The following PPARGC1B variants were observed in gnomAD, a reference collection of about 807,000 sequenced individuals.
PPARGC1B encodes the protein peroxisome proliferator-activated receptor gamma coactivator 1-beta.
A neutral mutation model predicts 101.6 loss-of-function variants in PPARGC1B; 34 were observed. The observed-to-expected ratio is 0.33, with a 90% CI of 0.25 to 0.45. The LOEUF (loss-of-function observed/expected upper bound fraction) is 0.45. PPARGC1B is among the 20% of genes least tolerant of loss of function. The pLI is 1.00. For missense variants in PPARGC1B, 1,234 were observed against 1,317.6 expected (o/e 0.94, Z 0.98); for synonymous variants, 548 against 539.3 (o/e 1.02, Z -0.22).
At chr5:149,735,908 G>A (rs998947619) in intron 1 of PPARGC1B, among the ~76,000 whole-genome samples, 4 of 152,174 alleles carry the variant, frequency 2.6e-5, no homozygotes, top group African/African-American at 4.8e-5. Context: ...GGCAGATCAC[G>A]AGGCCAGGAG....
At chr5:149,796,158 C>T (rs1757207171) in intron 1 of PPARGC1B, among the ~76,000 whole-genome samples, 1 of 151,980 alleles carries the variant, frequency 6.6e-6, no homozygotes. Flanking sequence ...CACAGCCATG[C>T]GATGGAGAGT....
chr5:149,803,684 G>T (rs576076582), intron 1 of PPARGC1B, among the ~76,000 whole-genome samples: 2 of 152,272 alleles, frequency 1.3e-5, no homozygotes, highest in South Asian at 4.1e-4. Flanking sequence ...ACAGTAAGGA[G>T]GCCCAGGGGT....
At chr5:149,827,821 G>A (rs1758590059) in intron 3 of PPARGC1B, among the ~76,000 whole-genome samples, 2 of 152,226 alleles carry the variant, frequency 1.3e-5, no homozygotes. Flanking sequence ...AGAAGTTACT[G>A]GAAGCAGTCG....
At chr5:149,771,452 CCTGA>C (rs1581034588) in intron 1 of PPARGC1B, among the ~76,000 whole-genome samples, 1 of 152,176 alleles carries the variant, frequency 6.6e-6, no homozygotes, top group Non-Finnish European at 1.5e-5. Flanking sequence ...GAGTGATGCC[CCTGA>C]AGGGCCAAGC....
chr5:149,826,598 TG>T, intron 2 of PPARGC1B, 74 bp from the exon 3 acceptor site: 2 of 1,183,970 alleles, frequency 1.7e-6, no homozygotes, highest in Non-Finnish European at 2.5e-6. Context: ...GTGTCCACCG[TG>T]GAGACTGAGT....
At chr5:149,845,711 G>T (rs868357573) in intron 10 of PPARGC1B, 49 bp from the exon 11 acceptor site, 4 of 1,547,254 alleles carry the variant, frequency 2.6e-6, no homozygotes, top group Middle Eastern at 2.2e-4. Flanking sequence ...GTCTCACAGT[G>T]TCCACCCAGC....
chr5:149,745,595 AAT>A lies in PPARGC1B; in HGVS notation c.78+15176_78+15177del, dbSNP rs141800315. On this transcript the variant is annotated intron_variant, in intron 1 of 11. Coordinates refer to ENST00000309241, the MANE Select transcript of PPARGC1B (RefSeq NM_133263.4). ...GGGGTACAGGCTAGCATTTAGGATG[AAT>A]GACCAGGGAACAGATCGAAAGCCTC... Among the ~76,000 whole-genome samples the A allele has an allele frequency of 2.5e-3, 376 of 152,252 alleles. 2 individuals carry two copies. The highest frequency in any genetic ancestry group is 8.2e-3 in the African/African-American group (341 of 41,560).
intron 1 of PPARGC1B, among the ~76,000 whole-genome samples, chr5:149,779,706 A>T (rs1431970154): frequency 1.3e-5 from 2 of 152,190 alleles, no homozygotes; most frequent in Non-Finnish European, 2.9e-5. Context: ...AGAGAATTTG[A>T]AAAGGTCTGG....
intron 11 of PPARGC1B, chr5:149,846,929 A>G: frequency 5.9e-6 from 1 of 169,718 alleles, no homozygotes; most frequent in African/African-American, 2.4e-5. Flanking sequence ...TATTAAAAAT[A>G]CAAAAATTAG....
intron 1 of PPARGC1B, among the ~76,000 whole-genome samples, chr5:149,735,105 T>TG (rs1469301758): frequency 6.6e-6 from 1 of 152,242 alleles, no homozygotes; most frequent in African/African-American, 2.4e-5. Context: ...TAGCCTTCAC[T>TG]GGGTGCATTT....
At chr5:149,735,908 G>C (rs998947619) in intron 1 of PPARGC1B, among the ~76,000 whole-genome samples, 1 of 152,174 alleles carries the variant, frequency 6.6e-6, no homozygotes, top group Non-Finnish European at 1.5e-5. Flanking sequence ...GGCAGATCAC[G>C]AGGCCAGGAG....
chr5:149,844,454 A>G (rs1421967024), intron 10 of PPARGC1B, among the ~76,000 whole-genome samples: 1 of 152,236 alleles, frequency 6.6e-6, no homozygotes, highest in African/African-American at 2.4e-5. Flanking sequence ...CCCGGCCAAC[A>G]TGGTGAAACC....
At chr5:149,827,166 T>G (rs1561597638) in intron 3 of PPARGC1B, among the ~76,000 whole-genome samples, 1 of 152,214 alleles carries the variant, frequency 6.6e-6, no homozygotes, top group Non-Finnish European at 1.5e-5. Context: ...TCCTTGAAAT[T>G]ACATGCAAAA....
chr5:149,736,864 C>G (rs1754733317), intron 1 of PPARGC1B, among the ~76,000 whole-genome samples: 1 of 152,048 alleles, frequency 6.6e-6, no homozygotes. Flanking sequence ...CATAGCCTCC[C>G]CCATTATTAA....
chr5:149,780,627 C>G (rs910194968), intron 1 of PPARGC1B, among the ~76,000 whole-genome samples: 4 of 152,160 alleles, frequency 2.6e-5, no homozygotes, highest in Non-Finnish European at 4.4e-5. Context: ...CATAGTTAAT[C>G]TCAAAAAGTT....
Position 149,832,117 on chromosome 5 carries a change from G to GC in PPARGC1B, c.583-537dup, listed in dbSNP as rs1285645279. Among the ~76,000 whole-genome samples the GC allele has an allele frequency of 1.3e-5, 2 of 152,080 alleles. No homozygotes were observed. Among genetic ancestry groups the GC allele is most frequent in the African/African-American group, 4.8e-5 (2 of 41,410 alleles). Reference sequence around the variant, plus strand: ...AGCTCAGGAGTTCAAGACCAGCCTGGCCAACGTGGTGAAACCTTGTCTCTA... The same window carrying GC: ...AGCTCAGGAGTTCAAGACCAGCCTGGCCCAACGTGGTGAAACCTTGTCTCTA... On this transcript the variant is annotated intron_variant, in intron 4 of 11. Transcript: ENST00000309241. This position sits in a 1 kb window ranked among gnomAD's most constrained non-coding sequence, Gnocchi z 4.9.
chr5:149,741,592 TC>T (rs1031182437), intron 1 of PPARGC1B, among the ~76,000 whole-genome samples: 3 of 151,904 alleles, frequency 2.0e-5, no homozygotes, highest in Admixed American at 2.0e-4. Flanking sequence ...GCCATACTGT[TC>T]CCACCACTGC....
At chr5:149,770,934 T>C (rs760353636) in intron 1 of PPARGC1B, among the ~76,000 whole-genome samples, 1 of 152,168 alleles carries the variant, frequency 6.6e-6, no homozygotes, top group Non-Finnish European at 1.5e-5. Flanking sequence ...TAGGACTTGA[T>C]TAAATGTGAC....
intron 1 of PPARGC1B, among the ~76,000 whole-genome samples, chr5:149,784,327 G>A (rs1285985276): frequency 6.6e-6 from 1 of 152,002 alleles, no homozygotes; most frequent in Non-Finnish European, 1.5e-5. Flanking sequence ...AACGGCCTGT[G>A]AAGCAGCCAC....
Sources: allele counts gnomAD v4.1 joint callset (sites outside exome capture counted in the v4.1 genomes callset), GRCh38; gene constraint gnomAD v4.1.1; non-coding constraint Gnocchi (gnomAD v3.1); transcripts MANE v1.5; gene names NCBI Gene and HGNC (gene_info 2026-07-23, HGNC 2026-07-21).